POTEI: variants seen among roughly 807,000 people sequenced by gnomAD.
POTEI encodes POTE ankyrin domain family member I, also known as POTE ankyrin domain family, member I.
A neutral mutation model predicts 43.4 loss-of-function variants in POTEI; 14 were observed. The observed-to-expected ratio is 0.32, with a 90% CI of 0.21 to 0.50. The LOEUF (loss-of-function observed/expected upper bound fraction) is 0.50, where lower values mean the gene tolerates loss of function less well. POTEI is among the 20% of genes least tolerant of loss of function. POTEI has a pLI of 0.98. For synonymous variants in POTEI, 95 were observed against 297.9 expected (o/e 0.32, Z 7.01); for missense variants, 235 against 795.4 (o/e 0.30, Z 8.47).
chr2:130,500,779 C>T, intron 3 of POTEI, 137 bp from the exon 4 acceptor site: 1 of 97,178 alleles, frequency 1.0e-5, no homozygotes, highest in African/African-American at 6.7e-5. Context: ...CCTTCTCACT[C>T]TTCTGTGCTT....
In POTEI at chr2:130,461,191, C is replaced by A. The variant is rs973963534; in HGVS notation, c.*1625G>T. On this transcript the variant is annotated 3_prime_UTR_variant, in exon 15 of 15. Coordinates refer to ENST00000451531, the MANE Select transcript of POTEI (RefSeq NM_001277406.2). ...AGGGACTTGCTTCAAAAAGAAAAGTCTGGCCACGTTTTTATAGAGCAGCTG... is the reference window on the plus strand; with the variant it reads ...AGGGACTTGCTTCAAAAAGAAAAGTATGGCCACGTTTTTATAGAGCAGCTG... 6.6e-6 allele frequency: 1 copy of A among 151,566 alleles called. No individual in the cohort carries two copies. The highest frequency in any genetic ancestry group is 1.5e-5 in the Non-Finnish European group (1 of 67,984). 9.4% of individuals were successfully genotyped at this position (151,566 alleles called of 1,614,324 possible).
intron 10 of POTEI, among the ~76,000 whole-genome samples, chr2:130,477,582 C>T (rs1274293790): frequency 6.7e-5 from 10 of 148,636 alleles, no homozygotes; most frequent in East Asian, 4.2e-4. Flanking sequence ...CTAAACTGTA[C>T]ATTATTCCTC....
chr2:130,505,163 C>T (rs533162139), intron 1 of POTEI, among the ~76,000 whole-genome samples: 30 of 148,166 alleles, frequency 2.0e-4, no homozygotes, highest in Non-Finnish European at 3.3e-4. Flanking sequence ...TGAGAACGTG[C>T]TGTATTTGGT....
At chr2:130,494,806 C>A (rs1683862704) in intron 6 of POTEI, among the ~76,000 whole-genome samples, 1 of 133,030 alleles carries the variant, frequency 7.5e-6, no homozygotes, top group African/African-American at 2.6e-5. Flanking sequence ...TATTTGCAGT[C>A]CAAAGCATTC....
intron 9 of POTEI, among the ~76,000 whole-genome samples, chr2:130,482,327 T>C (rs1182928331): frequency 2.4e-4 from 36 of 147,504 alleles, no homozygotes; most frequent in African/African-American, 9.5e-4. Context: ...TAGCCTGACA[T>C]AATAGAAAGT....
At chr2:130,474,760 AG>A in intron 12 of POTEI, 146 bp downstream of exon 12, 1 of 395,256 alleles carries the variant, frequency 2.5e-6, no homozygotes, top group Non-Finnish European at 4.3e-6. Context: ...TTCAATGTAC[AG>A]AATTCTGAGT....
At chr2:130,479,701 GC>G (rs1171039900) in intron 10 of POTEI, among the ~76,000 whole-genome samples, 1 of 55,134 alleles carries the variant, frequency 1.8e-5, no homozygotes, top group Non-Finnish European at 3.5e-5. Context: ...GAAAAAGCCT[GC>G]TAACCCATTT....
chr2:130,491,805 C>G (rs1421394598), intron 6 of POTEI, among the ~76,000 whole-genome samples: 1 of 107,170 alleles, frequency 9.3e-6, no homozygotes, highest in Non-Finnish European at 2.0e-5. Flanking sequence ...CAGGCATGCA[C>G]CATCATGCCC....
At chr2:130,483,389 G>A (rs1234086282) in intron 9 of POTEI, among the ~76,000 whole-genome samples, 1 of 110,572 alleles carries the variant, frequency 9.0e-6, no homozygotes, top group African/African-American at 3.5e-5. Context: ...AAATAAAATA[G>A]TAAAGTTTGC....
In POTEI at chr2:130,469,139, C is replaced by CA. The variant is rs71250888; in HGVS notation, c.1779-3368dup. Among the ~76,000 whole-genome samples, 80 of 111,240 alleles carry CA rather than the reference C, an allele frequency of 7.2e-4. 2 individuals are homozygous for CA. The highest frequency in any genetic ancestry group is 1.8e-3 in the African/African-American group (49 of 27,894). The allele number at this position is 111,240 out of a possible 152,430, so 73.0% of individuals were successfully genotyped here. A position where few individuals can be genotyped will look rare whatever the true frequency, so the allele number is the denominator to read the frequency against. ...AACTCTTCTGGTTAAGATGATGTAT[C>CA]AAAAAAAAAAATCTTCGTGAGAGCT... On this transcript the variant is annotated intron_variant, in intron 13 of 14. Coordinates refer to ENST00000451531, the MANE Select transcript of POTEI (RefSeq NM_001277406.2).
rs1683912433 is a variant in POTEI, at chr2:130,496,566, T to G, written c.1112A>C (p.Glu371Ala). 1 of 1,079,144 alleles carries G rather than the reference T, an allele frequency of 9.3e-7. No homozygotes were observed. Among genetic ancestry groups the G allele is most frequent in the Non-Finnish European group, 1.3e-6 (1 of 754,956 alleles). 66.8% of individuals were successfully genotyped at this position (1,079,144 alleles called of 1,614,324 possible). A position where few individuals can be genotyped will look rare whatever the true frequency, so the allele number is the denominator to read the frequency against. Reference sequence around the variant, plus strand: ...ACAAGTCTTACCTGGATTGCTGTTTTCAGAAGAGATTTTTAGCATCTGTTT... The same window carrying G: ...ACAAGTCTTACCTGGATTGCTGTTTGCAGAAGAGATTTTTAGCATCTGTTT... ...KEKQMLKISS[E>A]NSNPEQDLKL... Residue 371 changes from glutamate to alanine, a missense_variant, in exon 6 of 15, where the codon GAA becomes GCA. By Grantham distance (107) the Glu-to-Ala change is moderately radical (BLOSUM62 -1). Transcript: ENST00000451531.
chr2:130,507,593 T>A (rs1259451122), intron 1 of POTEI, among the ~76,000 whole-genome samples: 1 of 19,172 alleles, frequency 5.2e-5, no homozygotes, highest in Non-Finnish European at 1.2e-4. Context: ...ATACAAAACA[T>A]CACCATTATC....
chr2:130,483,599 G>GTT lies in POTEI; in HGVS notation c.1410-1528_1410-1527dup, dbSNP rs1319437395. Among the ~76,000 whole-genome samples, 7 of 29,176 alleles carry GTT rather than the reference G, an allele frequency of 2.4e-4. 1 individual carries two copies. Among genetic ancestry groups the GTT allele is most frequent in the Admixed American group, 6.9e-4 (1 of 1,448 alleles). The allele number at this position is 29,176 out of a possible 152,430, so 19.1% of individuals were successfully genotyped here. ...TGTTAGAAAGAACCATGTCAAACTT[G>GTT]TTTTTTTTTTTTTGAGACGGAGTCT... On this transcript the variant is annotated intron_variant, in intron 9 of 14. Coordinates refer to ENST00000451531, the MANE Select transcript of POTEI (RefSeq NM_001277406.2).
chr2:130,509,344 A>T, upstream of POTEI: 3 of 537,776 alleles, frequency 5.6e-6, 1 homozygote, highest in East Asian at 7.1e-5. Context: ...TGAAGAGAAA[A>T]GTCAATCCCA....
At chr2:130,483,981 A>G (rs1321366427) in intron 9 of POTEI, among the ~76,000 whole-genome samples, 4 of 150,048 alleles carry the variant, frequency 2.7e-5, no homozygotes, top group Non-Finnish European at 5.9e-5. Context: ...TACATCCAAT[A>G]TGCTAAGCCT....
At chr2:130,477,716 A>T (rs2105073832) in intron 10 of POTEI, among the ~76,000 whole-genome samples, 1 of 135,998 alleles carries the variant, frequency 7.4e-6, no homozygotes, top group South Asian at 2.5e-4. Context: ...GCTAGGCATT[A>T]GGGTTTAAAA....
intron 10 of POTEI, among the ~76,000 whole-genome samples, chr2:130,477,120 C>G (rs1470654117): frequency 6.6e-6 from 1 of 151,328 alleles, no homozygotes; most frequent in Non-Finnish European, 1.5e-5. Flanking sequence ...ATGTTTCCCT[C>G]CACTATTCTG....
rs1379150385 is a variant in POTEI, at chr2:130,507,311, TATATATACAC to T, written c.521+1394_521+1403del. On this transcript the variant is annotated intron_variant, in intron 1 of 14. Coordinates refer to ENST00000451531, the MANE Select transcript of POTEI (RefSeq NM_001277406.2). The stretch of plus-strand genomic sequence containing the variant: ...ATATATATATATATATATATATATA[TATATATACAC>T]ACACACACACACACACATATATATG... 2.4e-3 allele frequency among the ~76,000 whole-genome samples: 26 copies of T among 10,808 alleles called. 1 individual carries two copies. The highest frequency in any genetic ancestry group is 3.6e-3 in the African/African-American group (25 of 7,032). 7.1% of individuals were successfully genotyped at this position (10,808 alleles called of 152,430 possible). A position where few individuals can be genotyped will look rare whatever the true frequency, so the allele number is the denominator to read the frequency against.
At chr2:130,477,390 T>C (rs1279367864) in intron 10 of POTEI, among the ~76,000 whole-genome samples, 1 of 148,800 alleles carries the variant, frequency 6.7e-6, no homozygotes, top group African/African-American at 2.5e-5. Context: ...GACCTCGTGA[T>C]CCCCTCTGAA....
Sources: allele counts gnomAD v4.1 joint callset (sites outside exome capture counted in the v4.1 genomes callset), GRCh38; gene constraint gnomAD v4.1.1; transcripts MANE v1.5; gene names NCBI Gene and HGNC (gene_info 2026-07-23, HGNC 2026-07-21).